The following WWOX variants were observed in gnomAD, a reference collection of about 807,000 sequenced individuals.
WWOX encodes WW domain containing oxidoreductase.
Under a neutral mutation model 46.2 loss-of-function variants are expected in WWOX, and 69 were observed. The observed-to-expected ratio is 1.49, with a 90% CI of 1.23 to 1.82. The LOEUF (loss-of-function observed/expected upper bound fraction) is 1.82, where lower values mean the gene tolerates loss of function less well. Among genes scored for constraint, WWOX ranks in the 40% most tolerant of loss-of-function variants. The pLI is 0.00. For missense variants in WWOX, 919 were observed against 542.6 expected (o/e 1.69, Z -6.89); for synonymous variants, 359 against 202.6 (o/e 1.77, Z -6.56).
chr16:79,035,903 A>G (rs2047857126), intron 8 of WWOX, among the ~76,000 whole-genome samples: 2 of 152,342 alleles, frequency 1.3e-5, no homozygotes, highest in Admixed American at 1.3e-4. Flanking sequence ...CCAAGAATTC[A>G]GCTTCTTAAA....
In WWOX at chr16:78,919,193, A is replaced by G. The variant is rs185353510; in HGVS notation, c.1057-292415A>G. On this transcript the variant is annotated intron_variant, in intron 8 of 8. Coordinates refer to ENST00000566780, the MANE Select transcript of WWOX (RefSeq NM_016373.4). ...CTATTACATGCATGGGCTCTGTGCT[A>G]TTCTCTTATGTGTATTCATTTATTT... Among the ~76,000 whole-genome samples the G allele has an allele frequency of 1.1e-4, 17 of 152,216 alleles. No individual in the cohort carries two copies. In the East Asian group the frequency reaches 1.9e-3, roughly 17 times the overall value.
intron 8 of WWOX, among the ~76,000 whole-genome samples, chr16:78,803,579 T>A (rs925039516): frequency 6.6e-6 from 1 of 152,132 alleles, no homozygotes; most frequent in Non-Finnish European, 1.5e-5. Context: ...CCCAAGTAGC[T>A]TAGAACCACA....
chr16:78,424,033 C>T (rs1162355592), intron 6 of WWOX, among the ~76,000 whole-genome samples: 1 of 151,702 alleles, frequency 6.6e-6, no homozygotes, highest in African/African-American at 2.4e-5. Context: ...GTTTTATTAA[C>T]AGCTAGCAAG....
chr16:78,754,587 C>T (rs766059089), intron 8 of WWOX, among the ~76,000 whole-genome samples: 37 of 152,068 alleles, frequency 2.4e-4, no homozygotes, highest in Non-Finnish European at 4.9e-4. Context: ...TCTCATTTAT[C>T]AACCAGTTGC....
At chr16:78,236,966 C>T (rs1213637375) in intron 5 of WWOX, among the ~76,000 whole-genome samples, 1 of 150,138 alleles carries the variant, frequency 6.7e-6, no homozygotes, top group Non-Finnish European at 1.5e-5. Flanking sequence ...CCCAGCTACT[C>T]AGGAGGCTGA....
chr16:78,594,486 G>T (rs1317458756), intron 8 of WWOX, among the ~76,000 whole-genome samples: 1 of 126,066 alleles, frequency 7.9e-6, no homozygotes, highest in African/African-American at 3.0e-5. Flanking sequence ...CTTGCCAGCT[G>T]GCACACAGCT....
At chr16:78,944,473 C>T (rs571641739) in intron 8 of WWOX, among the ~76,000 whole-genome samples, 2 of 152,134 alleles carry the variant, frequency 1.3e-5, no homozygotes, top group East Asian at 1.9e-4. Context: ...TGAACATCTT[C>T]TCTGACAAAA....
At chr16:79,206,816 C>T (rs1035029914) in intron 8 of WWOX, 3 of 151,474 alleles carry the variant, frequency 2.0e-5, no homozygotes, top group Non-Finnish European at 4.4e-5. Context: ...CCAGGGAGGC[C>T]TATGAGCCTC....
At chr16:78,880,745 C>T (rs1402374337) in intron 8 of WWOX, among the ~76,000 whole-genome samples, 2 of 152,164 alleles carry the variant, frequency 1.3e-5, no homozygotes, top group East Asian at 1.9e-4. Flanking sequence ...GACAACACTA[C>T]CTTTGGGAGA....
intron 8 of WWOX, among the ~76,000 whole-genome samples, chr16:78,678,725 G>A (rs1188834550): frequency 2.0e-5 from 3 of 152,306 alleles, no homozygotes; most frequent in Non-Finnish European, 2.9e-5. Context: ...TTGACGGAGG[G>A]CTGGAAGGGA....
intron 5 of WWOX, among the ~76,000 whole-genome samples, chr16:78,245,078 A>G (rs1159316248): frequency 6.6e-6 from 1 of 152,134 alleles, no homozygotes; most frequent in East Asian, 1.9e-4. Flanking sequence ...CTCTAAATTA[A>G]TTCTCCTCCT....
chr16:79,163,884 G>GAAAAAAAAA (rs10671742), intron 8 of WWOX, among the ~76,000 whole-genome samples: 1 of 136,450 alleles, frequency 7.3e-6, no homozygotes, highest in Non-Finnish European at 1.5e-5. Flanking sequence ...AAGAGAATTG[G>GAAAAAAAAA]AAAAAAAAAA....
intron 8 of WWOX, among the ~76,000 whole-genome samples, chr16:78,451,350 A>G (rs1390749108): frequency 2.0e-5 from 3 of 152,204 alleles, no homozygotes; most frequent in Admixed American, 2.0e-4. Context: ...TAATAAAACA[A>G]TTCACATTTC....
At chr16:78,972,969 C>G (rs34331901) in intron 8 of WWOX, among the ~76,000 whole-genome samples, 6 of 152,008 alleles carry the variant, frequency 3.9e-5, no homozygotes, top group African/African-American at 1.5e-4. Context: ...GCAAGAGGCC[C>G]GTAATTGATT....
intron 8 of WWOX, among the ~76,000 whole-genome samples, chr16:78,606,160 A>G (rs919720269): frequency 6.6e-6 from 1 of 152,206 alleles, no homozygotes; most frequent in Non-Finnish European, 1.5e-5. Context: ...ACACAGTCAA[A>G]ATTTACCACT....
intron 8 of WWOX, among the ~76,000 whole-genome samples, chr16:79,023,383 C>T (rs1047068348): frequency 1.3e-5 from 2 of 152,068 alleles, no homozygotes; most frequent in Non-Finnish European, 2.9e-5. Context: ...TGCCTAATTC[C>T]CTTGAGTGAT....
At chr16:78,923,210 A>T (rs577884375) in intron 8 of WWOX, among the ~76,000 whole-genome samples, 1 of 151,788 alleles carries the variant, frequency 6.6e-6, no homozygotes, top group African/African-American at 2.4e-5. Flanking sequence ...CAAACTCCCA[A>T]CCTCAGGTGA....
chr16:78,434,896 T>C (rs1185214723), intron 8 of WWOX, among the ~76,000 whole-genome samples: 1 of 152,124 alleles, frequency 6.6e-6, no homozygotes, highest in African/African-American at 2.4e-5. Context: ...CCAGGGCATG[T>C]GGGAAAAGAA....
At chr16:78,433,206 A>T (rs933352488) in intron 8 of WWOX, among the ~76,000 whole-genome samples, 2 of 152,058 alleles carry the variant, frequency 1.3e-5, no homozygotes, top group African/African-American at 2.4e-5. Flanking sequence ...TTTGTTCTAA[A>T]TTTTTTTCTT....
Sources: allele counts gnomAD v4.1 joint callset (sites outside exome capture counted in the v4.1 genomes callset), GRCh38; gene constraint gnomAD v4.1.1; transcripts MANE v1.5; gene names NCBI Gene and HGNC (gene_info 2026-07-23, HGNC 2026-07-21).